NEBL: variants seen among roughly 807,000 people sequenced by gnomAD.
The protein encoded by NEBL is LIM and SH3 protein 2.
NEBL carries 122 observed loss-of-function variants against 140.2 expected under a neutral mutation model. The observed-to-expected ratio is 0.87, with a 90% CI of 0.75 to 1.01. NEBL has a LOEUF of 1.01. Ranked by LOEUF, NEBL falls within the 50% of genes least tolerant of loss-of-function variation. The pLI is 0.00. For synonymous variants in NEBL, 436 were observed against 398.9 expected (o/e 1.09, Z -1.11); for missense variants, 1,365 against 1,231.3 (o/e 1.11, Z -1.62).
intron 7 of NEBL, among the ~76,000 whole-genome samples, chr10:20,866,492 A>T (rs771404999): frequency 3.3e-5 from 5 of 152,200 alleles, no homozygotes; most frequent in Non-Finnish European, 7.3e-5. Flanking sequence ...ACATTGACCC[A>T]TTCATCATCA....
intron 3 of NEBL, among the ~76,000 whole-genome samples, chr10:21,229,325 G>T (rs948377433): frequency 6.6e-6 from 1 of 152,150 alleles, no homozygotes; most frequent in Non-Finnish European, 1.5e-5. Context: ...GGAAACTGAC[G>T]TGGGAGAATC....
At chr10:20,967,352 G>A (rs754560133) in intron 3 of NEBL, among the ~76,000 whole-genome samples, 4 of 152,230 alleles carry the variant, frequency 2.6e-5, no homozygotes, top group Non-Finnish European at 5.9e-5. Flanking sequence ...ACAGGGCTGG[G>A]CATGGTGGCT....
chr10:21,004,958 A>G (rs1296380812), intron 3 of NEBL, among the ~76,000 whole-genome samples: 1 of 152,210 alleles, frequency 6.6e-6, no homozygotes, highest in Non-Finnish European at 1.5e-5. Context: ...AGGCATTTCT[A>G]TGGAGAAACT....
intron 7 of NEBL, among the ~76,000 whole-genome samples, chr10:20,864,536 C>G (rs117647472): frequency 6.6e-6 from 1 of 152,160 alleles, no homozygotes; most frequent in Non-Finnish European, 1.5e-5. Flanking sequence ...CTGTTCCCAT[C>G]CTTTCATCAG....
chr10:20,872,181 G>A (rs143721932), intron 5 of NEBL, among the ~76,000 whole-genome samples: 83 of 152,174 alleles, frequency 5.5e-4, no homozygotes, highest in Middle Eastern at 3.4e-3. Context: ...AGAGGTGAAC[G>A]GCACAAAGGC....
At chr10:21,004,925 A>G (rs1428137293) in intron 3 of NEBL, among the ~76,000 whole-genome samples, 1 of 152,186 alleles carries the variant, frequency 6.6e-6, no homozygotes. Flanking sequence ...AAACCCTTTC[A>G]GTATTAACCT....
At chr10:21,257,763 T>C (rs1842678603) in intron 1 of NEBL, among the ~76,000 whole-genome samples, 1 of 152,046 alleles carries the variant, frequency 6.6e-6, no homozygotes, top group South Asian at 2.1e-4. Context: ...CAGGCACCTG[T>C]AGTCCCAGCT....
At chr10:21,154,289 T>C (rs1840253022) in intron 2 of NEBL, among the ~76,000 whole-genome samples, 1 of 151,880 alleles carries the variant, frequency 6.6e-6, no homozygotes, top group Non-Finnish European at 1.5e-5. Flanking sequence ...TGAAACCCTC[T>C]CTCTACTAAA....
chr10:20,900,777 G>A (rs538549057), upstream of NEBL, among the ~76,000 whole-genome samples: 10 of 149,256 alleles, frequency 6.7e-5, no homozygotes, highest in African/African-American at 2.0e-4. Context: ...CTTGGGAGGC[G>A]TAGGTTGCAG....
chr10:21,223,770 C>A (rs1433441323), intron 3 of NEBL, among the ~76,000 whole-genome samples: 1 of 152,158 alleles, frequency 6.6e-6, no homozygotes, highest in East Asian at 1.9e-4. Context: ...TTTTGATTTG[C>A]ATTTCTCTGA....
At chr10:20,954,925 G>C (rs1188968440) in intron 4 of NEBL, among the ~76,000 whole-genome samples, 3 of 152,210 alleles carry the variant, frequency 2.0e-5, no homozygotes, top group Non-Finnish European at 4.4e-5. Flanking sequence ...TCCCAGGCTA[G>C]AGGTCTCAGC....
chr10:20,840,366 C>G (rs1841298588), intron 13 of NEBL, among the ~76,000 whole-genome samples: 1 of 152,132 alleles, frequency 6.6e-6, no homozygotes, highest in South Asian at 2.1e-4. Flanking sequence ...CAGGGCAAGA[C>G]TGGGAGAGTC....
At chr10:20,914,409 CTA>C (rs1848450737) in intron 4 of NEBL, among the ~76,000 whole-genome samples, 2 of 152,180 alleles carry the variant, frequency 1.3e-5, no homozygotes, top group Non-Finnish European at 1.5e-5. Flanking sequence ...CAAAGGTTTT[CTA>C]TGAGATTACC....
At chr10:20,870,412 G>A (rs1844808388) in intron 5 of NEBL, among the ~76,000 whole-genome samples, 1 of 151,748 alleles carries the variant, frequency 6.6e-6, no homozygotes. Flanking sequence ...ATCTTAAAGG[G>A]TCTTTGTATC....
intron 3 of NEBL, among the ~76,000 whole-genome samples, chr10:21,214,294 CAAAT>C (rs1334122233): frequency 2.0e-5 from 3 of 151,818 alleles, no homozygotes; most frequent in Non-Finnish European, 4.4e-5. Flanking sequence ...TTAGTGGTAT[CAAAT>C]AAAGCATTCT....
intron 3 of NEBL, among the ~76,000 whole-genome samples, chr10:21,018,752 C>T (rs568326436): frequency 2.6e-5 from 4 of 152,204 alleles, no homozygotes; most frequent in South Asian, 2.1e-4. Context: ...AGCTTCAGGC[C>T]GGGCGCAGTG....
intron 4 of NEBL, among the ~76,000 whole-genome samples, chr10:20,943,440 TGGGTTGGGG>T (rs1362514115): frequency 6.6e-6 from 1 of 151,974 alleles, no homozygotes; most frequent in Non-Finnish European, 1.5e-5. Context: ...CGGCCTGTGG[TGGGTTGGGG>T]AGAGTGGGGA....
chr10:20,927,439 C>A (rs10508635), intron 4 of NEBL, among the ~76,000 whole-genome samples: 109,391 of 152,026 alleles, frequency 0.72, 39,484 homozygotes, highest in Admixed American at 0.81. Context: ...GTGATCATCA[C>A]TGATAGTAAA....
rs199848081 is a variant in NEBL at position 20,862,874 on chromosome 10, AT to A, written c.685-3049del. ...CAATATTTATCACCTTTTTTTATTA[AT>A]TTTTTTTATTTTTAATCTCTGTGGG... On this transcript the variant is annotated intron_variant, in intron 7 of 27. Coordinates refer to ENST00000377122, the MANE Select transcript of NEBL (RefSeq NM_006393.3). 6.6e-5 allele frequency among the ~76,000 whole-genome samples: 10 copies of A among 151,690 alleles called. No homozygotes were observed. In the East Asian group the frequency reaches 1.4e-3, roughly 21 times the overall value.
Sources: gnomAD v4.1 joint callset for allele counts (sites outside exome capture counted in the v4.1 genomes callset) on GRCh38, gnomAD v4.1.1 for gene constraint, MANE v1.5 for transcripts, NCBI Gene and HGNC (gene_info 2026-07-23, HGNC 2026-07-21) for gene names.